MED12: variants seen among roughly 807,000 people sequenced by gnomAD.
The protein encoded by MED12 is mediator complex subunit 12.
MED12 carries 10 observed loss-of-function variants against 177.7 expected under a neutral mutation model. That is an observed-to-expected ratio of 0.06 (90% CI 0.03 to 0.10). The LOEUF is 0.10. Among genes scored for constraint, MED12 ranks in the 10% least tolerant of loss-of-function variants. The probability of loss-of-function intolerance (pLI) is 1.00; values close to 1 mark genes in which losing one functional copy is unlikely to be tolerated. For missense variants in MED12, 867 were observed against 1,780.8 expected (o/e 0.49, Z 9.23); for synonymous variants, 641 against 678.4 (o/e 0.94, Z 0.86).
intron 42 of MED12, 73 bp downstream of exon 42, chrX:71,140,930 T>TTACCGAGACTAAACAAGGCAGTG: frequency 8.4e-7 from 1 of 1,192,094 alleles, no homozygotes; most frequent in Non-Finnish European, 1.1e-6. Flanking sequence ...TCCCACACAG[T>TTACCGAGACTAAACAAGGCAGTG]TACCGAGACT....
intron 31 of MED12, 130 bp downstream of exon 31, chrX:71,132,668 G>A (rs1466861284): frequency 1.1e-6 from 1 of 909,031 alleles, no homozygotes; most frequent in African/African-American, 2.0e-5. Flanking sequence ...GAGTGGGCAT[G>A]GCTGAGCAAG....
chrX:71,122,206 C>T lies in MED12; in HGVS notation c.1108C>T (p.Leu370Phe), dbSNP rs2092291172. The T allele has an allele frequency of 8.3e-7, 1 of 1,211,719 alleles. No individual in the cohort carries two copies. Among genetic ancestry groups the T allele is most frequent in the Non-Finnish European group, 1.1e-6 (1 of 895,414 alleles). ...AGCTGTTTCTATCTGGTAGACCATC[C>T]TCCTGTGCTGTCCTAGTGCCTTGGT... Reference protein sequence around the residue: ...FGLSCILQTILLCCPSALVWH... With the variant: ...FGLSCILQTIFLCCPSALVWH... Residue 370 changes from leucine to phenylalanine, a missense_variant, in exon 8 of 45, where the codon CTC becomes TTC. Leu to Phe is a conservative substitution (Grantham distance 22, BLOSUM62 0). Transcript: ENST00000374080.
At chrX:71,142,123 ACC>A (rs2092349872) in intron 44 of MED12, 50 bp from the exon 45 acceptor site, 2 of 1,170,486 alleles carry the variant, frequency 1.7e-6, no homozygotes. Flanking sequence ...CCTCGTGCAT[ACC>A]CACACCCCTG....
intron 12 of MED12, 114 bp from the exon 13 acceptor site, chrX:71,124,045 A>G (rs377365907): frequency 1.5e-6 from 1 of 659,829 alleles, no homozygotes. Context: ...TCCCTCAACA[A>G]TTTCTGGGAT....
intron 16 of MED12, 39 bp from the exon 17 acceptor site, chrX:71,125,624 T>A (rs2092300898): frequency 3.4e-6 from 4 of 1,184,693 alleles, no homozygotes; most frequent in African/African-American, 1.8e-5. Context: ...AGAGCTCTAG[T>A]CCTTTTGAAA....
intron 31 of MED12, 71 bp from the exon 32 acceptor site, chrX:71,132,774 T>A (rs866902871): frequency 4.1e-5 from 10 of 246,883 alleles, no homozygotes; most frequent in Non-Finnish European, 6.7e-5. Context: ...TCTCCTCTTC[T>A]CTTCTCTTCT....
Position 71,121,107 on chromosome X carries a change from C to T in MED12, c.690C>T (p.Ile230=). Residue 230 remains isoleucine, a synonymous_variant, in exon 5 of 45, where the codon ATC becomes ATT. Coordinates refer to ENST00000374080, the MANE Select transcript of MED12 (RefSeq NM_005120.3). ...TGCCCCATGATGTAGAGGTGGCAAT[C>T]CGGCAGTGGGATTACACCGAGAAGC... ...GPLPHDVEVA[I]RQWDYTEKLA... is the part of the protein sequence containing the mutation. 8.3e-7 allele frequency: 1 copy of T among 1,210,653 alleles called. No homozygotes were observed. Among genetic ancestry groups the T allele is most frequent in the East Asian group, 3.0e-5 (1 of 33,819 alleles).
intron 41 of MED12, among the ~76,000 whole-genome samples, chrX:71,139,829 G>A (rs2092342067): frequency 9.1e-6 from 1 of 109,807 alleles, no homozygotes; most frequent in Admixed American, 9.7e-5. Flanking sequence ...AACCTGAGAG[G>A]TGGAGGTTGC....
intron 24 of MED12, 53 bp from the exon 25 acceptor site, chrX:71,129,061 C>T (rs995090689): frequency 9.9e-7 from 1 of 1,009,946 alleles, no homozygotes; most frequent in East Asian, 3.0e-5. Context: ...CACACATAAA[C>T]CCACATACAG....
intron 41 of MED12, among the ~76,000 whole-genome samples, chrX:71,139,621 A>C (rs768474556): frequency 9.9e-5 from 11 of 111,095 alleles, no homozygotes; most frequent in Non-Finnish European, 1.5e-4. Flanking sequence ...ACTTCAGGCC[A>C]GGCACGGTGG....
At chrX:71,141,485 G>A in intron 43 of MED12, 115 bp downstream of exon 43, 1 of 998,426 alleles carries the variant, frequency 1.0e-6, no homozygotes, top group Non-Finnish European at 1.4e-6. Context: ...GCAGGGCATG[G>A]CACCCTAAAA....
intron 36 of MED12, among the ~76,000 whole-genome samples, chrX:71,135,641 T>C (rs960542757): frequency 8.9e-6 from 1 of 111,994 alleles, no homozygotes; most frequent in African/African-American, 3.3e-5. Flanking sequence ...TTTCCCTCTC[T>C]GTCAGTTGCG....
rs2092281904 is a variant in MED12 at position 71,118,927 on chromosome X, G to C, written c.99+74G>C. On this transcript the variant is annotated intron_variant, in intron 1 of 44. Transcript: ENST00000374080. The stretch of plus-strand genomic sequence containing the variant: ...CCTAGGAGGAGGCACTGACGGCTGG[G>C]AATGGGGGGCGGGGCGGTTCGGTGA... 4.2e-6 allele frequency: 4 copies of C among 941,332 alleles called. No homozygotes were observed. The East Asian group carries it at 1.4e-4, about 32-fold the overall frequency. The allele number at this position is 941,332 out of a possible 1,213,427, so 77.6% of individuals were successfully genotyped here.
Position 71,120,956 on chromosome X carries a change from C to G in MED12, c.554-15C>G. 1 of 1,209,188 alleles carries G rather than the reference C, an allele frequency of 8.3e-7. No individual in the cohort carries two copies. The highest frequency in any genetic ancestry group is 1.1e-6 in the Non-Finnish European group (1 of 893,813). On this transcript the variant is annotated splice_polypyrimidine_tract_variant and intron_variant, in intron 4 of 44. Transcript: ENST00000374080. ...AGGATAGTATCAAATAGCCCTTTTT[C>G]CCTCTTTCCTCCAGAATGGACTCAG...
At position 71,136,313 on chromosome X, in the gene MED12, G is replaced by C. The variant is rs1346436513; in HGVS notation, c.5058G>C (p.Ser1686=). 1 of 1,209,227 alleles carries C rather than the reference G, an allele frequency of 8.3e-7. No individual in the cohort carries two copies. The highest frequency in any genetic ancestry group is 1.8e-5 in the African/African-American group (1 of 56,925). Residue 1686 remains serine (S), a synonymous_variant, in exon 37 of 45, where the codon TCG becomes TCC. Transcript: ENST00000374080. ...GLQVSTKQKI[S]PWDLFEGLKP... is the part of the protein sequence containing the mutation. ...AGGTTTCCACCAAACAGAAGATCTC[G>C]CCCTGGGATCTTTTTGAGGGGTTGA...
chrX:71,134,153 C>T (rs1171874656), intron 33 of MED12, among the ~76,000 whole-genome samples: 3 of 107,676 alleles, frequency 2.8e-5, no homozygotes, highest in Non-Finnish European at 5.8e-5. Context: ...ATGGCGTGAA[C>T]CCGGGAGGCG....
At chrX:71,131,370 TC>T (rs2092316983) in intron 28 of MED12, among the ~76,000 whole-genome samples, 179 bp from the exon 29 acceptor site, 1 of 111,375 alleles carries the variant, frequency 9.0e-6, no homozygotes, top group Admixed American at 9.5e-5. Flanking sequence ...CCTCAGGTGA[TC>T]CGCCTGTCTC....
intron 2 of MED12, 54 bp downstream of exon 2, chrX:71,119,531 C>T (rs2147772462): frequency 9.0e-7 from 1 of 1,114,285 alleles, no homozygotes; most frequent in Non-Finnish European, 1.2e-6. Flanking sequence ...TAAGAAGGAG[C>T]AAAGGCCCTG....
chrX:71,133,257 A>C, intron 33 of MED12, 45 bp downstream of exon 33: 1 of 925,038 alleles, frequency 1.1e-6, no homozygotes, highest in Non-Finnish European at 1.6e-6. Context: ...GTAGGGCTGG[A>C]AATGCGGAGT....
Sources: gnomAD v4.1 joint callset for allele counts (sites outside exome capture counted in the v4.1 genomes callset) on GRCh38, gnomAD v4.1.1 for gene constraint, MANE v1.5 for transcripts, NCBI Gene and HGNC (gene_info 2026-07-23, HGNC 2026-07-21) for gene names.